SDK1: variants seen among roughly 807,000 people sequenced by gnomAD.
The protein encoded by SDK1 is sidekick cell adhesion molecule 1.
In SDK1, 157 loss-of-function variants were observed where a neutral mutation model predicts 245.5. The ratio of observed to expected loss-of-function variants is 0.64; its 90% confidence interval spans 0.56 to 0.73. The LOEUF is 0.73. SDK1 is among the 30% of genes least tolerant of loss of function. The probability of loss-of-function intolerance (pLI) is 0.00; values close to 1 mark genes in which losing one functional copy is unlikely to be tolerated. For missense variants in SDK1, 3,583 were observed against 3,002.3 expected (o/e 1.19, Z -4.52); for synonymous variants, 1,647 against 1,278.5 (o/e 1.29, Z -6.15).
intron 1 of SDK1, among the ~76,000 whole-genome samples, chr7:3,610,705 G>T (rs891053823): frequency 1.3e-5 from 2 of 152,222 alleles, no homozygotes; most frequent in Admixed American, 6.5e-5. Context: ...GGAAGGGTAG[G>T]TTTACCCCCA....
intron 37 of SDK1, among the ~76,000 whole-genome samples, chr7:4,209,635 A>T (rs185523536): frequency 6.6e-6 from 1 of 151,786 alleles, no homozygotes; most frequent in South Asian, 2.1e-4. Context: ...GAGAGGCTTC[A>T]TCCATCACAG....
intron 4 of SDK1, among the ~76,000 whole-genome samples, chr7:3,725,803 C>G (rs1434246032): frequency 6.6e-6 from 1 of 152,126 alleles, no homozygotes. Context: ...AGCATGGTCA[C>G]GAATGACATG....
intron 22 of SDK1, among the ~76,000 whole-genome samples, chr7:4,095,834 A>C (rs1196829519): frequency 1.3e-5 from 2 of 152,206 alleles, no homozygotes; most frequent in Non-Finnish European, 2.9e-5. Context: ...TCGGCCTCCC[A>C]AAGTGCTGGC....
intron 2 of SDK1, among the ~76,000 whole-genome samples, chr7:3,627,743 A>G (rs996833256): frequency 2.0e-5 from 3 of 152,202 alleles, no homozygotes; most frequent in African/African-American, 7.2e-5. Context: ...TTAGTTGAGA[A>G]GAAATCTAAA....
chr7:4,265,102 C>T (rs748601405), intron 44 of SDK1, 22 bp from the exon 45 acceptor site: 1 of 1,605,590 alleles, frequency 6.2e-7, no homozygotes, highest in South Asian at 1.1e-5. Flanking sequence ...TGCACTCACA[C>T]CTTCTCTCCC....
intron 1 of SDK1, among the ~76,000 whole-genome samples, chr7:3,557,651 T>C (rs1010691407): frequency 6.6e-6 from 1 of 152,242 alleles, no homozygotes; most frequent in Non-Finnish European, 1.5e-5. Flanking sequence ...AGCATTGTAC[T>C]AAGGCTTTCA....
intron 4 of SDK1, among the ~76,000 whole-genome samples, chr7:3,672,586 T>C (rs914206000): frequency 3.5e-5 from 5 of 142,068 alleles, no homozygotes; most frequent in Admixed American, 7.3e-5. Context: ...TGGAGAAATA[T>C]ATATATATAA....
At chr7:3,766,222 T>G (rs1467928942) in intron 4 of SDK1, among the ~76,000 whole-genome samples, 1 of 152,194 alleles carries the variant, frequency 6.6e-6, no homozygotes, top group African/African-American at 2.4e-5. Context: ...TCATTTGCAT[T>G]AGTTAATATT....
intron 1 of SDK1, among the ~76,000 whole-genome samples, chr7:3,543,992 A>C (rs1010712334): frequency 6.6e-6 from 1 of 152,198 alleles, no homozygotes; most frequent in African/African-American, 2.4e-5. Context: ...GGCCATCTCT[A>C]CTACTGCTCA....
At chr7:3,988,491 G>A (rs10281015) in intron 14 of SDK1, among the ~76,000 whole-genome samples, 3 of 151,972 alleles carry the variant, frequency 2.0e-5, no homozygotes, top group Non-Finnish European at 2.9e-5. Flanking sequence ...TCCTGCAGGG[G>A]TTCCTGCTGC....
intron 5 of SDK1, among the ~76,000 whole-genome samples, chr7:3,840,283 C>T (rs1338145171): frequency 6.6e-6 from 1 of 152,068 alleles, no homozygotes; most frequent in Non-Finnish European, 1.5e-5. Context: ...GAGAAGAGAA[C>T]ATGTTGGGCC....
At chr7:4,257,735 T>C (rs1404159101) in intron 44 of SDK1, among the ~76,000 whole-genome samples, 1 of 152,234 alleles carries the variant, frequency 6.6e-6, no homozygotes, top group East Asian at 1.9e-4. Context: ...TAGCTGTTAT[T>C]ATAGAATCAC....
intron 5 of SDK1, among the ~76,000 whole-genome samples, chr7:3,925,116 C>G (rs965302332): frequency 3.3e-5 from 5 of 152,014 alleles, no homozygotes; most frequent in African/African-American, 1.2e-4. Flanking sequence ...TAAAACAACC[C>G]CAGACACCCC....
At chr7:3,467,780 G>C (rs1781054190) in intron 1 of SDK1, among the ~76,000 whole-genome samples, 1 of 152,086 alleles carries the variant, frequency 6.6e-6, no homozygotes, top group African/African-American at 2.4e-5. Context: ...AGATTGGATA[G>C]TGTTCAATTA....
In SDK1 at chr7:3,589,796, G is replaced by C. The variant is rs1270615028; in HGVS notation, c.299-29284G>C. On this transcript the variant is annotated intron_variant, in intron 1 of 44. Transcript: ENST00000404826. ...CTCATGACACATGGGGATTATGGGAGCTGCAATTCAAGATGAGATTTGGGT... is the reference window on the plus strand; with the variant it reads ...CTCATGACACATGGGGATTATGGGACCTGCAATTCAAGATGAGATTTGGGT... 2.6e-5 allele frequency among the ~76,000 whole-genome samples: 4 copies of C among 152,194 alleles called. No individual in the cohort carries two copies. In the South Asian group the frequency reaches 8.3e-4, roughly 32 times the overall value.
intron 5 of SDK1, among the ~76,000 whole-genome samples, chr7:3,917,751 A>G (rs1189753029): frequency 6.6e-6 from 1 of 152,126 alleles, no homozygotes; most frequent in Non-Finnish European, 1.5e-5. Context: ...CTAGACATGA[A>G]TTTCATTTCT....
intron 17 of SDK1, among the ~76,000 whole-genome samples, chr7:4,017,556 T>C (rs1445460016): frequency 1.3e-5 from 2 of 152,190 alleles, no homozygotes; most frequent in Non-Finnish European, 2.9e-5. Flanking sequence ...ACAAATAATA[T>C]TCCAACTGCT....
intron 1 of SDK1, among the ~76,000 whole-genome samples, chr7:3,332,039 A>T (rs1358344367): frequency 3.3e-5 from 5 of 152,164 alleles, no homozygotes; most frequent in Non-Finnish European, 7.4e-5. Flanking sequence ...AAGCCTCTTT[A>T]TGCTTAGAAG....
intron 14 of SDK1, among the ~76,000 whole-genome samples, chr7:3,989,777 C>G (rs566107493): frequency 2.4e-4 from 37 of 152,324 alleles, no homozygotes; most frequent in African/African-American, 8.4e-4. Flanking sequence ...CACTTTATTT[C>G]TCCTAATTAC....
Sources: gnomAD v4.1 joint callset for allele counts (sites outside exome capture counted in the v4.1 genomes callset) on GRCh38, gnomAD v4.1.1 for gene constraint, MANE v1.5 for transcripts, NCBI Gene and HGNC (gene_info 2026-07-23, HGNC 2026-07-21) for gene names.